The following SKI variants were observed in gnomAD, a reference collection of about 807,000 sequenced individuals.
SKI encodes ski oncogene.
A neutral mutation model predicts 59.3 loss-of-function variants in SKI; 23 were observed. That is an observed-to-expected ratio of 0.39 (90% confidence interval 0.28 to 0.55). The LOEUF (loss-of-function observed/expected upper bound fraction) is 0.55. Among genes scored for constraint, SKI ranks in the 20% least tolerant of loss-of-function variants. The pLI is 0.67. For missense variants in SKI, 1,017 were observed against 1,038.9 expected, an observed-to-expected ratio of 0.98 and a Z score of 0.29; for synonymous variants, 673 against 488.6, an observed-to-expected ratio of 1.38 and a Z score of -4.98.
chr1:2,273,567 C>T lies in SKI; in HGVS notation c.970-29411C>T, dbSNP rs1005811958. On this transcript the variant is annotated intron_variant, in intron 1 of 6. Coordinates refer to ENST00000378536, the MANE Select transcript of SKI (RefSeq NM_003036.4). The stretch of plus-strand genomic sequence containing the variant: ...GGGACACCCGTGACCCTGCCTGGGG[C>T]GGTCCTCCCCAGCCTTGTGAGCCAG... Among the ~76,000 whole-genome samples, 4 of 152,268 alleles carry T rather than the reference C, an allele frequency of 2.6e-5. No homozygotes were observed. The East Asian group carries it at 5.8e-4, about 22-fold the overall frequency.
chr1:2,286,276 C>A (rs548045567), intron 1 of SKI, among the ~76,000 whole-genome samples: 1 of 152,240 alleles, frequency 6.6e-6, no homozygotes, highest in African/African-American at 2.4e-5. Context: ...ACAAGGTGGG[C>A]AGATCACTTG....
At chr1:2,276,984 G>A (rs561452752) in intron 1 of SKI, among the ~76,000 whole-genome samples, 6 of 152,280 alleles carry the variant, frequency 3.9e-5, no homozygotes, top group Middle Eastern at 3.4e-3. Flanking sequence ...TTCCGACACA[G>A]CAGGGCCCTC....
At chr1:2,287,601 A>G (rs1404152905) in intron 1 of SKI, among the ~76,000 whole-genome samples, 1 of 152,052 alleles carries the variant, frequency 6.6e-6, no homozygotes, top group African/African-American at 2.4e-5. Context: ...TGTTGGTGGT[A>G]GGTGTGCTCT....
At chr1:2,240,912 C>T (rs778437938) in intron 1 of SKI, 3 of 569,280 alleles carry the variant, frequency 5.3e-6, no homozygotes, top group Non-Finnish European at 6.7e-6. Flanking sequence ...TCCTCCTCAG[C>T]TGTGTTCAGC....
In SKI at chr1:2,229,752, C is replaced by A. The variant is rs1207978723; in HGVS notation, c.969+17C>A. 6.4e-7 allele frequency: 1 copy of A among 1,552,128 alleles called. No individual in the cohort carries two copies. The highest frequency in any genetic ancestry group is 1.2e-5 in the South Asian group (1 of 84,214). Reference sequence around the variant, plus strand: ...GTGCCCCGGGTGAGTGGCCCCAGGCCTGGGAGCTGGGGAGGATGCGCTTGG... The same window carrying A: ...GTGCCCCGGGTGAGTGGCCCCAGGCATGGGAGCTGGGGAGGATGCGCTTGG... On this transcript the variant is annotated intron_variant, in intron 1 of 6. Coordinates refer to ENST00000378536, the MANE Select transcript of SKI (RefSeq NM_003036.4). The surrounding 1 kb of genome is among the most constrained non-coding windows in gnomAD (Gnocchi z 6.3).
intron 1 of SKI, chr1:2,232,734 A>G (rs1638666017): frequency 6.6e-6 from 1 of 152,178 alleles, no homozygotes; most frequent in South Asian, 2.1e-4. Context: ...TCACCTCCCC[A>G]CTCGGTCCCA....
Position 2,274,504 on chromosome 1 carries a change from C to T in SKI, c.970-28474C>T, listed in dbSNP as rs188185805. On this transcript the variant is annotated intron_variant, in intron 1 of 6. Transcript: ENST00000378536. Reference sequence around the variant, plus strand: ...CGAGGGCCCGTGTCCTGGTCGTGGCCGCGTGTGCTCTGCTGTGTGGGTGGT... The same window carrying T: ...CGAGGGCCCGTGTCCTGGTCGTGGCTGCGTGTGCTCTGCTGTGTGGGTGGT... 1.6e-3 allele frequency among the ~76,000 whole-genome samples: 242 copies of T among 152,304 alleles called. 2 individuals are homozygous for T. The highest frequency in any genetic ancestry group is 5.1e-3 in the African/African-American group (210 of 41,576).
At chr1:2,301,196 G>A (rs1231343466) in intron 1 of SKI, among the ~76,000 whole-genome samples, 1 of 152,208 alleles carries the variant, frequency 6.6e-6, no homozygotes, top group Non-Finnish European at 1.5e-5. Flanking sequence ...CTCTGCTGCA[G>A]CTAGGATGGC....
Position 2,260,535 on chromosome 1 carries a change from C to CTTTTTTTTTTTTTTTTTTTTTT in SKI, c.969+30802_969+30823dup, listed in dbSNP as rs3065260. On this transcript the variant is annotated intron_variant, in intron 1 of 6. Transcript: ENST00000378536. Reference sequence around the variant, plus strand: ...TCCAATTTTTCAGTTTGTTCTTTTTCTTTTTTTTTTTTTTTTTTTTTTTGA... The same window carrying CTTTTTTTTTTTTTTTTTTTTTT: ...TCCAATTTTTCAGTTTGTTCTTTTTCTTTTTTTTTTTTTTTTTTTTTTTTTTTTTTTTTTTTTTTTTTTTTGA... 1.5e-4 allele frequency among the ~76,000 whole-genome samples: 10 copies of CTTTTTTTTTTTTTTTTTTTTTT among 67,820 alleles called. 2 individuals are homozygous for CTTTTTTTTTTTTTTTTTTTTTT. The highest frequency in any genetic ancestry group is 2.2e-4 in the Admixed American group (1 of 4,494). 44.5% of individuals were successfully genotyped at this position (67,820 alleles called of 152,430 possible).
intron 1 of SKI, among the ~76,000 whole-genome samples, chr1:2,243,198 G>T (rs1468062859): frequency 6.6e-6 from 1 of 152,230 alleles, no homozygotes; most frequent in Admixed American, 6.5e-5. Context: ...CTGGGGCATG[G>T]GCCGTGTTTT....
chr1:2,244,391 A>C (rs1638946973), intron 1 of SKI, among the ~76,000 whole-genome samples: 1 of 152,136 alleles, frequency 6.6e-6, no homozygotes, highest in South Asian at 2.1e-4. Context: ...CAGCCTGGCC[A>C]ACATGGTGAC....
chr1:2,289,022 C>T (rs1489478046), intron 1 of SKI, among the ~76,000 whole-genome samples: 1 of 152,252 alleles, frequency 6.6e-6, no homozygotes, highest in Non-Finnish European at 1.5e-5. Flanking sequence ...GCACCTGTCA[C>T]TGAGCTGTCA....
intron 1 of SKI, among the ~76,000 whole-genome samples, chr1:2,243,375 C>T (rs530832425): frequency 5.1e-4 from 78 of 152,370 alleles, no homozygotes; most frequent in Middle Eastern, 3.4e-3. Context: ...CCTTATGCCC[C>T]GCCTGCCCTT....
At chr1:2,290,179 C>T (rs1166752778) in intron 1 of SKI, among the ~76,000 whole-genome samples, 1 of 152,008 alleles carries the variant, frequency 6.6e-6, no homozygotes. Context: ...GGCAGGGCAG[C>T]CCTGGGCTGC....
At chr1:2,235,858 G>A (rs934683568) in intron 1 of SKI, among the ~76,000 whole-genome samples, 2 of 152,232 alleles carry the variant, frequency 1.3e-5, no homozygotes, top group Non-Finnish European at 2.9e-5. Flanking sequence ...GTGGCCCTCA[G>A]CATGTGTCCT....
In SKI at chr1:2,239,828, G is replaced by T. The variant is rs77354908; in HGVS notation, c.969+10093G>T. Among the ~76,000 whole-genome samples, 235 of 152,352 alleles carry T rather than the reference G, an allele frequency of 1.5e-3. 2 individuals carry two copies. Among genetic ancestry groups the T allele is most frequent in the African/African-American group, 5.5e-3 (230 of 41,572 alleles). ...ATCCTGCCCTCCGGGGCGTCCCAGT[G>T]TGCCTGGGCAGTGGCGCAGCTGGCT... is the stretch of plus-strand genomic sequence containing the variant. On this transcript the variant is annotated intron_variant, in intron 1 of 6. Transcript: ENST00000378536.
rs141961299 is a variant in SKI at position 2,304,391 on chromosome 1, G to A, written c.1573G>A (p.Val525Ile). 102 of 1,552,272 alleles carry A rather than the reference G, an allele frequency of 6.6e-5. 1 individual carries two copies. Among genetic ancestry groups the A allele is most frequent in the African/African-American group, 4.9e-4 (36 of 73,076 alleles). Residue 525 changes from valine (V) to isoleucine (I), a missense_variant, in exon 5 of 7, where the codon GTC becomes ATC. Transcript: ENST00000378536. ...SPGARALPSAVPDAAAPADAP... is the reference protein window; with the variant it reads ...SPGARALPSAIPDAAAPADAP... ...GGGTGCGCGTGCCCTGCCCTCGGCC[G>A]TCCCTGATGCTGCGGCCCCTGCCGA...
chr1:2,289,130 C>T (rs1311455981), intron 1 of SKI, among the ~76,000 whole-genome samples: 2 of 152,188 alleles, frequency 1.3e-5, no homozygotes, highest in Non-Finnish European at 2.9e-5. Context: ...ACCCAGCTGC[C>T]CCTCCCCGAG....
chr1:2,249,741 T>C (rs958383192), intron 1 of SKI, among the ~76,000 whole-genome samples: 1 of 152,220 alleles, frequency 6.6e-6, no homozygotes, highest in Non-Finnish European at 1.5e-5. Flanking sequence ...CTCCCTGTCC[T>C]GCCTCCTGCT....
Sources: gnomAD v4.1 joint callset for allele counts (sites outside exome capture counted in the v4.1 genomes callset) on GRCh38, gnomAD v4.1.1 for gene constraint, Gnocchi (gnomAD v3.1) non-coding constraint, MANE v1.5 for transcripts, NCBI Gene and HGNC (gene_info 2026-07-23, HGNC 2026-07-21) for gene names.